The following SLC22A8 variants were observed in gnomAD, a reference collection of about 807,000 sequenced individuals.
The protein encoded by SLC22A8 is organic anion transporter 3.
SLC22A8 carries 40 observed loss-of-function variants against 48.4 expected under a neutral mutation model. The ratio of observed to expected loss-of-function variants is 0.83; its 90% CI spans 0.64 to 1.08. SLC22A8 has a LOEUF of 1.08. Ranked by LOEUF, SLC22A8 falls within the 50% of genes least tolerant of loss-of-function variation. The pLI is 0.00. For synonymous variants in SLC22A8, 268 were observed against 286.3 expected (o/e 0.94, Z 0.65); for missense variants, 606 against 699.0 (o/e 0.87, Z 1.50).
rs2135127807 is a variant in SLC22A8 at position 63,000,789 on chromosome 11, T to C, written c.368A>G (p.Glu123Gly). 1 of 1,614,018 alleles carries C rather than the reference T, an allele frequency of 6.2e-7. No individual in the cohort carries two copies. Among genetic ancestry groups the C allele is most frequent in the Non-Finnish European group, 8.5e-7 (1 of 1,179,948 alleles). The change falls in exon 3 of 11, where the codon GAG becomes GGG. Residue 123 changes from glutamate to glycine, a missense_variant. Physicochemically the swap from Glu to Gly is moderately conservative, Grantham distance 98. Transcript: ENST00000336232. ...TGCCATGAAGATAGACTGGGCCATC[T>C]CCTTCAGTTTGTTGGAGTTGCACAC... ...DLVCNSNKLK[E>G]MAQSIFMAGI... is the part of the protein sequence containing the mutation.
chr11:63,002,531 C>G (rs2086507866), intron 2 of SLC22A8, among the ~76,000 whole-genome samples: 1 of 152,116 alleles, frequency 6.6e-6, no homozygotes, highest in African/African-American at 2.4e-5. Context: ...ATTCCTTTCC[C>G]CAGCCCCTTC....
intron 2 of SLC22A8, among the ~76,000 whole-genome samples, chr11:63,009,367 C>T (rs1207304246): frequency 6.6e-6 from 1 of 152,066 alleles, no homozygotes; most frequent in Non-Finnish European, 1.5e-5. Flanking sequence ...GAGCAGTCTT[C>T]CACCCTGGAG....
At chr11:63,003,414 G>A (rs2086520676) in intron 2 of SLC22A8, among the ~76,000 whole-genome samples, 1 of 152,120 alleles carries the variant, frequency 6.6e-6, no homozygotes, top group African/African-American at 2.4e-5. Flanking sequence ...AAGCCTGGTG[G>A]TCCGTTTTAG....
chr11:62,993,959 CT>C, intron 8 of SLC22A8, 81 bp from the exon 9 acceptor site: 1 of 880,840 alleles, frequency 1.1e-6, no homozygotes, highest in Non-Finnish European at 1.9e-6. Flanking sequence ...TCTTGTCTCC[CT>C]TTTTGCTTTG....
chr11:63,001,705 C>T (rs570477051), intron 2 of SLC22A8, among the ~76,000 whole-genome samples: 4 of 152,268 alleles, frequency 2.6e-5, no homozygotes, highest in Admixed American at 6.5e-5. Context: ...TCTGTTCCTG[C>T]GGCTTCAATT....
chr11:63,000,863 G>C, intron 2 of SLC22A8, 40 bp from the exon 3 acceptor site: 1 of 1,491,832 alleles, frequency 6.7e-7, no homozygotes, highest in Non-Finnish European at 9.3e-7. Context: ...ACTCAGTGTA[G>C]ACAGCCTGCT....
At chr11:62,997,574 A>G (rs965592784) in intron 5 of SLC22A8, among the ~76,000 whole-genome samples, 1 of 152,204 alleles carries the variant, frequency 6.6e-6, no homozygotes, top group Non-Finnish European at 1.5e-5. Flanking sequence ...CAAGTCACAC[A>G]GTGAACTGGC....
At chr11:63,004,333 C>G (rs1383965265) in intron 2 of SLC22A8, among the ~76,000 whole-genome samples, 3 of 152,190 alleles carry the variant, frequency 2.0e-5, no homozygotes, top group Non-Finnish European at 4.4e-5. Flanking sequence ...CCTGGAAAAT[C>G]AGCCAACATC....
chr11:63,014,934 G>A lies in SLC22A8; in HGVS notation c.25C>T (p.Arg9Cys), dbSNP rs1482892604. 5 of 1,557,360 alleles carry A rather than the reference G, an allele frequency of 3.2e-6. No individual in the cohort carries two copies. Among genetic ancestry groups the A allele is most frequent in the African/African-American group, 1.4e-5 (1 of 73,872 alleles). Residue 9 changes from arginine (R) to cysteine (C), a missense_variant, in exon 2 of 11, where the codon CGT (arginine) becomes TGT (cysteine). Transcript: ENST00000336232. Reference protein sequence around the residue: MTFSEILDRVGSMGHFQFL... With the variant: MTFSEILDCVGSMGHFQFL... Reference sequence around the variant, plus strand: ...TGGAAATGGCCCATGCTTCCCACACGGTCCAGGATCTCCGAGAAGGTCATG... The same window carrying A: ...TGGAAATGGCCCATGCTTCCCACACAGTCCAGGATCTCCGAGAAGGTCATG...
intron 8 of SLC22A8, 102 bp from the exon 9 acceptor site, chr11:62,993,980 A>C: frequency 1.3e-6 from 1 of 746,130 alleles, no homozygotes; most frequent in Non-Finnish European, 2.4e-6. Flanking sequence ...GGCTTCCAAG[A>C]AGCTCAGATC....
intron 9 of SLC22A8, 30 bp downstream of exon 9, chr11:62,993,740 G>C: frequency 6.3e-7 from 1 of 1,590,888 alleles, no homozygotes. Flanking sequence ...GTGTCCTCTG[G>C]CTGGGCCTGG....
At chr11:63,002,546 C>T (rs1220919491) in intron 2 of SLC22A8, among the ~76,000 whole-genome samples, 8 of 152,218 alleles carry the variant, frequency 5.3e-5, no homozygotes, top group South Asian at 4.2e-4. Flanking sequence ...CCCTTCCCCC[C>T]GAGCTTTTGG....
chr11:63,011,695 G>A (rs961490252), intron 2 of SLC22A8, among the ~76,000 whole-genome samples: 2 of 152,142 alleles, frequency 1.3e-5, no homozygotes, highest in African/African-American at 4.8e-5. Flanking sequence ...TGTGCAGCTT[G>A]CTAACGGGTC....
Position 62,998,971 on chromosome 11 carries a change from C to T in SLC22A8, c.711G>A (p.Trp237Ter), listed in dbSNP as rs2135124381. 6.2e-7 allele frequency: 1 copy of T among 1,613,940 alleles called. No individual in the cohort carries two copies. The highest frequency in any genetic ancestry group is 8.5e-7 in the Non-Finnish European group (1 of 1,179,810). Residue 237 changes from tryptophan (W) to a stop codon, truncating the protein, a stop_gained, in exon 5 of 11, where the codon TGG becomes TGA. Transcript: ENST00000336232. LOFTEE classifies it high-confidence loss of function. ...GLAYAIPQWR[W>*]LQLTVSIPFF... ...AGGGAATGGACACAGTTAACTGCAGCCAACGCCACTGGGGGATGGCGTAGG... is the reference window on the plus strand; with the variant it reads ...AGGGAATGGACACAGTTAACTGCAGTCAACGCCACTGGGGGATGGCGTAGG...
chr11:63,008,576 A>G (rs1209045369), intron 2 of SLC22A8, among the ~76,000 whole-genome samples: 1 of 152,034 alleles, frequency 6.6e-6, no homozygotes, highest in Non-Finnish European at 1.5e-5. Flanking sequence ...GGTACCTAGT[A>G]CCTGCTTCTC....
At position 62,994,581 on chromosome 11, in the gene SLC22A8, C is replaced by T. The variant is rs1156230063; in HGVS notation, c.1177G>A (p.Ala393Thr). 6.2e-7 allele frequency: 1 copy of T among 1,613,334 alleles called. No individual in the cohort carries two copies. Among genetic ancestry groups the T allele is most frequent in the Non-Finnish European group, 8.5e-7 (1 of 1,179,672 alleles). The change falls in exon 8 of 11, where the codon GCA becomes ACA. Residue 393 changes from alanine (A) to threonine (T), a missense_variant. Coordinates refer to ENST00000336232, the MANE Select transcript of SLC22A8 (RefSeq NM_004254.4). ...HTTQAAALLLAGGAILALTFV... is the reference protein window; with the variant it reads ...HTTQAAALLLTGGAILALTFV... The stretch of plus-strand genomic sequence containing the variant: ...GTGAGAGCCAAGATGGCCCCTCCTG[C>T]CAGGAGCAGGGCAGCGGCCTGAGTG...
chr11:63,011,239 C>T (rs980095024), intron 2 of SLC22A8, among the ~76,000 whole-genome samples: 2 of 152,204 alleles, frequency 1.3e-5, no homozygotes, highest in East Asian at 3.8e-4. Flanking sequence ...GGGCCAATGA[C>T]CTGTCCCTCA....
In SLC22A8 at chr11:62,994,957, T is replaced by C. The variant is rs536123298; in HGVS notation, c.1002-201A>G. The C allele has an allele frequency of 4.2e-5, 26 of 613,716 alleles. No homozygotes were observed. The South Asian group carries it at 4.8e-4, about 11-fold the overall frequency. 38.0% of individuals were successfully genotyped at this position (613,716 alleles called of 1,614,324 possible). On this transcript the variant is annotated intron_variant, in intron 7 of 10. Coordinates refer to ENST00000336232, the MANE Select transcript of SLC22A8 (RefSeq NM_004254.4). ...AGAAAGTGCTGTGATTGACTGGTCA[T>C]GTCTGACGTGGGCATGGTCCAGGGT...
At chr11:63,008,143 C>T (rs2086577481) in intron 2 of SLC22A8, among the ~76,000 whole-genome samples, 1 of 152,004 alleles carries the variant, frequency 6.6e-6, no homozygotes. Context: ...AGATAAGCTG[C>T]TCTGACATCA....
Sources: gnomAD v4.1 joint callset for allele counts (sites outside exome capture counted in the v4.1 genomes callset) on GRCh38, gnomAD v4.1.1 for gene constraint, MANE v1.5 for transcripts, NCBI Gene and HGNC (gene_info 2026-07-23, HGNC 2026-07-21) for gene names.